EXOC6B: variants seen among roughly 807,000 people sequenced by gnomAD.
The protein encoded by EXOC6B is exocyst complex component 6B.
EXOC6B carries 54 observed loss-of-function variants against 113.5 expected under a neutral mutation model. That is an observed-to-expected ratio of 0.48 (90% CI 0.38 to 0.60). The LOEUF (loss-of-function observed/expected upper bound fraction) is 0.60. Ranked by LOEUF, EXOC6B falls within the 20% of genes least tolerant of loss-of-function variation. The pLI, the probability that EXOC6B is intolerant of heterozygous loss-of-function variation, is 0.00. For missense variants in EXOC6B, 797 were observed against 977.5 expected (o/e 0.82, Z 2.46); for synonymous variants, 357 against 339.0 (o/e 1.05, Z -0.58).
chr2:72,764,459 C>T (rs1682944668), intron 1 of EXOC6B, among the ~76,000 whole-genome samples: 1 of 149,034 alleles, frequency 6.7e-6, no homozygotes, highest in Non-Finnish European at 1.5e-5. Flanking sequence ...GTAGCCCTGA[C>T]CTCCCAGGCT....
chr2:72,389,233 C>T (rs1329964965), intron 18 of EXOC6B, among the ~76,000 whole-genome samples: 3 of 151,832 alleles, frequency 2.0e-5, no homozygotes, highest in Non-Finnish European at 4.4e-5. Flanking sequence ...TTATTTTATA[C>T]ATTTAGTATC....
intron 1 of EXOC6B, among the ~76,000 whole-genome samples, chr2:72,772,137 A>G (rs369659467): frequency 1.1e-4 from 16 of 152,272 alleles, no homozygotes; most frequent in African/African-American, 3.1e-4. Flanking sequence ...CCCTTCCCCC[A>G]AGCTCACAAG....
At chr2:72,541,665 A>T (rs1401591064) in intron 8 of EXOC6B, among the ~76,000 whole-genome samples, 1 of 152,076 alleles carries the variant, frequency 6.6e-6, no homozygotes, top group African/African-American at 2.4e-5. Flanking sequence ...TTCCTTTCTC[A>T]TTGCATTCTT....
At chr2:72,316,210 G>A (rs1687502995) in intron 20 of EXOC6B, among the ~76,000 whole-genome samples, 1 of 152,174 alleles carries the variant, frequency 6.6e-6, no homozygotes, top group Non-Finnish European at 1.5e-5. Context: ...GAACCCAGGT[G>A]CTCACCAGAA....
chr2:72,488,945 A>G (rs1699585694), intron 16 of EXOC6B, among the ~76,000 whole-genome samples: 1 of 152,084 alleles, frequency 6.6e-6, no homozygotes, highest in Non-Finnish European at 1.5e-5. Context: ...ATACCTCTCT[A>G]AACTAACCAG....
intron 20 of EXOC6B, among the ~76,000 whole-genome samples, chr2:72,300,855 G>A (rs1686472883): frequency 1.3e-5 from 2 of 152,120 alleles, no homozygotes; most frequent in African/African-American, 4.8e-5. Flanking sequence ...TCCGTGGGCT[G>A]CATCCCCTGT....
chr2:72,372,608 G>A (rs1296060484), intron 19 of EXOC6B, among the ~76,000 whole-genome samples: 1 of 152,144 alleles, frequency 6.6e-6, no homozygotes, highest in African/African-American at 2.4e-5. Context: ...CACTTTGGGA[G>A]GCCGAGGTGG....
At chr2:72,528,859 T>C (rs969734493) in intron 8 of EXOC6B, among the ~76,000 whole-genome samples, 5 of 152,128 alleles carry the variant, frequency 3.3e-5, no homozygotes, top group African/African-American at 2.4e-5. Flanking sequence ...AGAAGAACAA[T>C]TGATTGATGT....
chr2:72,401,681 A>G (rs1693342273), intron 18 of EXOC6B, among the ~76,000 whole-genome samples: 1 of 109,906 alleles, frequency 9.1e-6, no homozygotes, highest in Non-Finnish European at 1.8e-5. Context: ...ATATATATAT[A>G]TATATGAAAA....
At chr2:72,185,421 A>C (rs887839306) in intron 20 of EXOC6B, among the ~76,000 whole-genome samples, 2 of 152,268 alleles carry the variant, frequency 1.3e-5, no homozygotes, top group African/African-American at 4.8e-5. Flanking sequence ...CCAGTTTCTT[A>C]GAATAGCTGT....
chr2:72,179,098 CAGAT>C lies in EXOC6B; in HGVS notation c.*233_*236del. 2.1e-6 allele frequency: 1 copy of C among 468,092 alleles called. No homozygotes were observed. Among genetic ancestry groups the C allele is most frequent in the Non-Finnish European group, 3.7e-6 (1 of 269,182 alleles). 29.0% of individuals were successfully genotyped at this position (468,092 alleles called of 1,614,324 possible). ...TGATACCACCATCTCTAAGATAACA[CAGAT>C]AGTGTAGTAATAACTTCCCCTGAGT... is the stretch of plus-strand genomic sequence containing the variant. On this transcript the variant is annotated 3_prime_UTR_variant, in exon 22 of 22. Coordinates refer to ENST00000272427, the MANE Select transcript of EXOC6B (RefSeq NM_015189.3).
chr2:72,442,766 A>G (rs987667561), intron 18 of EXOC6B, among the ~76,000 whole-genome samples: 2 of 152,190 alleles, frequency 1.3e-5, no homozygotes, highest in African/African-American at 4.8e-5. Flanking sequence ...TAAAAAGTCC[A>G]TGTTCATGGA....
chr2:72,617,533 T>TC (rs1671468663), intron 6 of EXOC6B, among the ~76,000 whole-genome samples: 1 of 142,626 alleles, frequency 7.0e-6, no homozygotes, highest in African/African-American at 2.6e-5. Context: ...TTTTTTTTTT[T>TC]TTTTTTGAGG....
At chr2:72,595,158 G>C (rs1178952801) in intron 6 of EXOC6B, among the ~76,000 whole-genome samples, 18 of 151,772 alleles carry the variant, frequency 1.2e-4, no homozygotes. Context: ...CAACTTGGGA[G>C]GCTGAGGCAG....
At chr2:72,232,616 T>C (rs952132032) in intron 20 of EXOC6B, among the ~76,000 whole-genome samples, 4 of 151,400 alleles carry the variant, frequency 2.6e-5, no homozygotes, top group African/African-American at 7.3e-5. Context: ...AGGCAGAATA[T>C]AAAAAATAAT....
In EXOC6B at chr2:72,344,867, C is replaced by A. The variant is rs1689234692; in HGVS notation, c.2123-9847G>T. 2.0e-5 allele frequency among the ~76,000 whole-genome samples: 3 copies of A among 151,994 alleles called. No homozygotes were observed. The South Asian group carries it at 6.2e-4, about 32-fold the overall frequency. On this transcript the variant is annotated intron_variant, in intron 19 of 21. Coordinates refer to ENST00000272427, the MANE Select transcript of EXOC6B (RefSeq NM_015189.3). Reference sequence around the variant, plus strand: ...ACAAGCCCTTTAAATCTCCTGACATCATTTTAGCCAGAGGAGCAGGAGCAA... The same window carrying A: ...ACAAGCCCTTTAAATCTCCTGACATAATTTTAGCCAGAGGAGCAGGAGCAA...
At chr2:72,450,401 T>C (rs949798647) in intron 18 of EXOC6B, among the ~76,000 whole-genome samples, 2 of 152,192 alleles carry the variant, frequency 1.3e-5, no homozygotes, top group African/African-American at 2.4e-5. Flanking sequence ...AGAGGTCACA[T>C]GACATAGAGG....
chr2:72,717,775 T>C (rs1053968329), intron 6 of EXOC6B, among the ~76,000 whole-genome samples: 2 of 152,168 alleles, frequency 1.3e-5, no homozygotes, highest in Admixed American at 1.3e-4. Flanking sequence ...GGTCATTAAC[T>C]AGAAGGAGAA....
intron 1 of EXOC6B, among the ~76,000 whole-genome samples, chr2:72,823,485 A>C (rs1305433622): frequency 7.3e-6 from 1 of 137,062 alleles, no homozygotes; most frequent in African/African-American, 2.8e-5. Context: ...AAAACAAAAA[A>C]CAAAAAAAAA....
Sources: allele counts gnomAD v4.1 joint callset (sites outside exome capture counted in the v4.1 genomes callset), GRCh38; gene constraint gnomAD v4.1.1; transcripts MANE v1.5; gene names NCBI Gene and HGNC (gene_info 2026-07-23, HGNC 2026-07-21).